Variants in CSMD1 observed in about 807,000 individuals in gnomAD.
The protein encoded by CSMD1 is CUB and Sushi multiple domains 1, also known as CUB and sushi domain-containing protein 1.
CSMD1 carries 213 observed loss-of-function variants against 417.5 expected under a neutral mutation model. The ratio of observed to expected loss-of-function variants is 0.51; its 90% confidence interval spans 0.46 to 0.57. The LOEUF is 0.57. Among genes scored for constraint, CSMD1 ranks in the 20% least tolerant of loss-of-function variants. The pLI, the probability that CSMD1 is intolerant of heterozygous loss-of-function variation, is 0.00. For synonymous variants in CSMD1, 2,862 were observed against 1,736.8 expected (o/e 1.65, Z -16.11); for missense variants, 6,923 against 4,529.7 (o/e 1.53, Z -15.17).
chr8:4,742,812 T>A (rs1585029570), intron 1 of CSMD1, among the ~76,000 whole-genome samples: 3 of 152,206 alleles, frequency 2.0e-5, no homozygotes, highest in African/African-American at 7.2e-5. Flanking sequence ...TCGCAGAAAA[T>A]TTTTCTGTAG....
At chr8:3,728,464 G>C (rs1802625904) in intron 6 of CSMD1, among the ~76,000 whole-genome samples, 1 of 152,158 alleles carries the variant, frequency 6.6e-6, no homozygotes, top group South Asian at 2.1e-4. Flanking sequence ...TCTGTGTTAG[G>C]TTTATCGTAA....
At chr8:4,252,336 A>G (rs1168318885) in intron 3 of CSMD1, among the ~76,000 whole-genome samples, 1 of 152,186 alleles carries the variant, frequency 6.6e-6, no homozygotes, top group African/African-American at 2.4e-5. Flanking sequence ...ACAATGAAGA[A>G]TATGTCATGC....
At chr8:4,031,672 C>G (rs919738974) in intron 4 of CSMD1, among the ~76,000 whole-genome samples, 1 of 152,150 alleles carries the variant, frequency 6.6e-6, no homozygotes, top group Non-Finnish European at 1.5e-5. Flanking sequence ...TATTACTTAT[C>G]ACATGTTATT....
intron 26 of CSMD1, among the ~76,000 whole-genome samples, chr8:3,241,395 C>G (rs1410430038): frequency 2.6e-5 from 4 of 152,052 alleles, no homozygotes. Flanking sequence ...AGGGGACGGT[C>G]TTACCCTCCA....
At chr8:3,738,727 C>T (rs1796648703) in intron 6 of CSMD1, among the ~76,000 whole-genome samples, 1 of 152,180 alleles carries the variant, frequency 6.6e-6, no homozygotes, top group Non-Finnish European at 1.5e-5. Context: ...TGGTCACCAA[C>T]CCTAATTTCA....
chr8:4,543,863 T>C (rs1372536248), intron 2 of CSMD1, among the ~76,000 whole-genome samples: 4 of 152,116 alleles, frequency 2.6e-5, no homozygotes. Context: ...TTGTTTCAAT[T>C]TGCAATTCCT....
intron 1 of CSMD1, among the ~76,000 whole-genome samples, chr8:4,745,920 C>G (rs547836267): frequency 6.6e-6 from 1 of 152,190 alleles, no homozygotes; most frequent in Non-Finnish European, 1.5e-5. Context: ...AGTCAGCTAA[C>G]TTTTGAGCCA....
At position 4,988,443 on chromosome 8, in the gene CSMD1, C is replaced by T. The variant is rs528756640; in HGVS notation, c.85+5889G>A. Among the ~76,000 whole-genome samples the T allele has an allele frequency of 3.3e-5, 5 of 152,176 alleles. No individual in the cohort carries two copies. In the South Asian group the frequency reaches 1.0e-3, roughly 32 times the overall value. ...AATAAAATACGTAAGTTATTTTTAA[C>T]AAAAAAATATGCCTGCATGATCTTT... On this transcript the variant is annotated intron_variant, in intron 1 of 69. Coordinates refer to ENST00000635120, the MANE Select transcript of CSMD1 (RefSeq NM_033225.6).
chr8:3,920,903 T>C (rs377697917), intron 5 of CSMD1, among the ~76,000 whole-genome samples: 2 of 152,154 alleles, frequency 1.3e-5, no homozygotes, highest in Non-Finnish European at 2.9e-5. Flanking sequence ...TTTGCATCTA[T>C]TTTGATTACA....
intron 54 of CSMD1, among the ~76,000 whole-genome samples, chr8:2,981,619 A>G (rs1204086940): frequency 6.6e-6 from 1 of 152,122 alleles, no homozygotes; most frequent in African/African-American, 2.4e-5. Context: ...CTGATGTCTT[A>G]TATACATACA....
chr8:3,996,987 C>T (rs983211986), intron 5 of CSMD1, among the ~76,000 whole-genome samples: 2 of 152,206 alleles, frequency 1.3e-5, no homozygotes, highest in African/African-American at 4.8e-5. Flanking sequence ...GACATGTTCA[C>T]AATCACTCAT....
chr8:3,141,991 G>A (rs1307454472), intron 41 of CSMD1, among the ~76,000 whole-genome samples: 1 of 151,994 alleles, frequency 6.6e-6, no homozygotes, highest in Non-Finnish European at 1.5e-5. Flanking sequence ...TAGAGACGGG[G>A]TTTCACCGTG....
chr8:4,107,986 A>T (rs867016103), intron 3 of CSMD1, among the ~76,000 whole-genome samples: 1 of 152,002 alleles, frequency 6.6e-6, no homozygotes, highest in South Asian at 2.1e-4. Context: ...GGGAGCTTAG[A>T]GAAGTAGAAA....
chr8:4,331,447 G>C (rs545764982), intron 3 of CSMD1, among the ~76,000 whole-genome samples: 1 of 152,134 alleles, frequency 6.6e-6, no homozygotes, highest in Non-Finnish European at 1.5e-5. Flanking sequence ...CTGGTTTCTG[G>C]TAACGAGAGC....
chr8:4,624,555 T>G (rs1801986154), intron 2 of CSMD1, among the ~76,000 whole-genome samples: 1 of 152,114 alleles, frequency 6.6e-6, no homozygotes, highest in Non-Finnish European at 1.5e-5. Context: ...GGAGGGGATT[T>G]CACATATTGA....
intron 5 of CSMD1, among the ~76,000 whole-genome samples, chr8:3,845,892 C>G (rs1803471147): frequency 6.6e-6 from 1 of 151,590 alleles, no homozygotes; most frequent in South Asian, 2.1e-4. Flanking sequence ...CACACGTTGT[C>G]CTAGGCCTAA....
intron 10 of CSMD1, among the ~76,000 whole-genome samples, chr8:3,495,719 A>T (rs926711113): frequency 1.3e-5 from 2 of 152,190 alleles, no homozygotes; most frequent in Admixed American, 6.5e-5. Context: ...AGAGTAAAAG[A>T]ACCAGAGATG....
intron 1 of CSMD1, among the ~76,000 whole-genome samples, chr8:4,857,432 G>T (rs936320040): frequency 6.6e-6 from 1 of 152,078 alleles, no homozygotes; most frequent in Non-Finnish European, 1.5e-5. Context: ...AGAACTGAAG[G>T]AAATAGAGAT....
intron 3 of CSMD1, among the ~76,000 whole-genome samples, chr8:4,111,983 G>A (rs1801881164): frequency 1.3e-5 from 2 of 151,524 alleles, no homozygotes; most frequent in South Asian, 4.1e-4. Context: ...GTTTTTTATT[G>A]TATTATTTTG....
Sources: gnomAD v4.1 joint callset for allele counts (sites outside exome capture counted in the v4.1 genomes callset) on GRCh38, gnomAD v4.1.1 for gene constraint, MANE v1.5 for transcripts, NCBI Gene and HGNC (gene_info 2026-07-23, HGNC 2026-07-21) for gene names.